PPARD: variants seen among roughly 807,000 people sequenced by gnomAD.
The protein encoded by PPARD is peroxisome proliferator activated receptor delta, also known as peroxisome proliferator-activated receptor delta.
In PPARD, 6 loss-of-function variants were observed where a neutral mutation model predicts 39.5. The ratio of observed to expected loss-of-function variants is 0.15; its 90% CI spans 0.08 to 0.30. The LOEUF is 0.30. Among genes scored for constraint, PPARD ranks in the 10% least tolerant of loss-of-function variants. The pLI is 1.00. For synonymous variants in PPARD, 210 were observed against 231.3 expected, an observed-to-expected ratio of 0.91 and a Z score of 0.83; for missense variants, 397 against 596.8, an observed-to-expected ratio of 0.67 and a Z score of 3.49.
chr6:35,356,261 A>G (rs923442891), intron 2 of PPARD, among the ~76,000 whole-genome samples: 3 of 151,956 alleles, frequency 2.0e-5, no homozygotes, highest in Admixed American at 6.6e-5. Context: ...CTTTTGGCAC[A>G]CTCCTCATCC....
chr6:35,383,482 T>C (rs1257031466), intron 2 of PPARD, among the ~76,000 whole-genome samples: 8 of 121,016 alleles, frequency 6.6e-5, no homozygotes, highest in South Asian at 3.0e-4. Flanking sequence ...CGTCTCTGCT[T>C]GGCCACCCAT....
intron 2 of PPARD, among the ~76,000 whole-genome samples, chr6:35,349,208 G>A (rs1761082538): frequency 6.6e-6 from 1 of 151,862 alleles, no homozygotes; most frequent in South Asian, 2.1e-4. Flanking sequence ...TGTATTTTTA[G>A]TAGAGACGGG....
chr6:35,410,698 C>T (rs1765369325), intron 2 of PPARD, among the ~76,000 whole-genome samples: 1 of 152,188 alleles, frequency 6.6e-6, no homozygotes, highest in Non-Finnish European at 1.5e-5. Context: ...GAACAGAAGG[C>T]AGCAGAGGAG....
intron 2 of PPARD, among the ~76,000 whole-genome samples, chr6:35,410,011 A>G (rs1008364333): frequency 2.0e-5 from 3 of 152,182 alleles, no homozygotes; most frequent in African/African-American, 7.2e-5. Context: ...TGATCACTCC[A>G]GGTTCTGGTT....
In PPARD at chr6:35,421,806, T is replaced by A. The variant is rs1283041914; in HGVS notation, c.286-14T>A. 1 of 1,602,850 alleles carries A rather than the reference T, an allele frequency of 6.2e-7. No homozygotes were observed. The highest frequency in any genetic ancestry group is 1.7e-5 in the Admixed American group (1 of 59,032). ...CTCCTGGTGGCCTTTCCTCACCTGTTCTTGGTGCTTCAGGGCTTCTTCCGT... is the reference window on the plus strand; with the variant it reads ...CTCCTGGTGGCCTTTCCTCACCTGTACTTGGTGCTTCAGGGCTTCTTCCGT... On this transcript the variant is annotated splice_polypyrimidine_tract_variant and intron_variant, in intron 4 of 7. Transcript: ENST00000360694.
chr6:35,355,207 C>T (rs1761501971), intron 2 of PPARD, among the ~76,000 whole-genome samples: 1 of 151,950 alleles, frequency 6.6e-6, no homozygotes. Context: ...GAAGTCCTGT[C>T]TTCCAGCCAG....
At chr6:35,403,582 C>A (rs1251478097) in intron 2 of PPARD, among the ~76,000 whole-genome samples, 1 of 152,182 alleles carries the variant, frequency 6.6e-6, no homozygotes, top group African/African-American at 2.4e-5. Flanking sequence ...TGAGGACCCA[C>A]TAAATGCCAG....
In PPARD at chr6:35,423,948, A is replaced by C; in HGVS notation, c.427A>C (p.Ile143Leu). 1 of 1,613,944 alleles carries C rather than the reference A, an allele frequency of 6.2e-7. No individual in the cohort carries two copies. Among genetic ancestry groups the C allele is most frequent in the Non-Finnish European group, 8.5e-7 (1 of 1,179,992 alleles). ...TGACTGCCCCCTTCCCTGTGCAGCT[A>C]TCCGTTTTGGTCGGATGCCGGAGGC... ...CLALGMSHNAIRFGRMPEAEK... is the reference protein window; with the variant it reads ...CLALGMSHNALRFGRMPEAEK... Residue 143 changes from isoleucine to leucine, a missense_variant and splice_region_variant, in exon 6 of 8, where the codon ATC (isoleucine) becomes CTC (leucine). Coordinates refer to ENST00000360694, the MANE Select transcript of PPARD (RefSeq NM_006238.5).
intron 2 of PPARD, among the ~76,000 whole-genome samples, chr6:35,358,396 A>G (rs1477028227): frequency 2.6e-4 from 39 of 152,230 alleles, no homozygotes; most frequent in Admixed American, 2.6e-3. Flanking sequence ...GACCTCTAGA[A>G]CTGTAAGAGA....
chr6:35,418,328 T>G (rs1013153047), intron 3 of PPARD, among the ~76,000 whole-genome samples: 1 of 54,910 alleles, frequency 1.8e-5, no homozygotes, highest in Non-Finnish European at 3.5e-5. Context: ...TGAGTTTTAT[T>G]GTCCCTGTTA....
chr6:35,358,913 G>A (rs1761768885), intron 2 of PPARD, among the ~76,000 whole-genome samples: 1 of 152,216 alleles, frequency 6.6e-6, no homozygotes, highest in South Asian at 2.1e-4. Context: ...TGGGGGAAGT[G>A]GAGGGAGCCA....
In PPARD at chr6:35,426,190, G is replaced by A. The variant is rs1766564975; in HGVS notation, c.*111G>A. 2 of 1,444,968 alleles carry A rather than the reference G, an allele frequency of 1.4e-6. No individual in the cohort carries two copies. The highest frequency in any genetic ancestry group is 1.4e-5 in the African/African-American group (1 of 70,954). 89.5% of individuals were successfully genotyped at this position (1,444,968 alleles called of 1,614,324 possible). ...TGAGCACCCGGCCTGGAGCAGCAGA[G>A]TCCCACGATCGCCCTCAGACACATG... is the stretch of plus-strand genomic sequence containing the variant. On this transcript the variant is annotated 3_prime_UTR_variant, in exon 8 of 8. Transcript: ENST00000360694.
chr6:35,402,652 GC>G (rs1764779913), intron 2 of PPARD, among the ~76,000 whole-genome samples: 1 of 152,162 alleles, frequency 6.6e-6, no homozygotes, highest in Non-Finnish European at 1.5e-5. Context: ...CCAGCCCCAG[GC>G]CACTCCTGGG....
At chr6:35,391,324 C>A (rs1159519041) in intron 2 of PPARD, among the ~76,000 whole-genome samples, 2 of 152,208 alleles carry the variant, frequency 1.3e-5, no homozygotes, top group African/African-American at 2.4e-5. Flanking sequence ...ATTTCCTTCA[C>A]CAAGATTCAC....
In PPARD at chr6:35,426,418, C is replaced by T. The variant is rs959365825; in HGVS notation, c.*339C>T. 5.5e-6 allele frequency: 2 copies of T among 365,516 alleles called. No homozygotes were observed. The highest frequency in any genetic ancestry group is 1.0e-5 in the Non-Finnish European group (2 of 197,518). The allele number at this position is 365,516 out of a possible 1,614,324, so 22.6% of individuals were successfully genotyped here. On this transcript the variant is annotated 3_prime_UTR_variant, in exon 8 of 8. Transcript: ENST00000360694. ...CCACCCCCCACGTCTGTCCTCCTTT[C>T]TTATTCTGTGAGATGTTTTGTATTA...
rs557060029 is a variant in PPARD, at chr6:35,386,645, A to G, written c.-101-24342A>G. Reference sequence around the variant, plus strand: ...CCAGACATAAAATAGGAAAATGATGATAGAATCTACCTCACTGTTGGCCTG... The same window carrying G: ...CCAGACATAAAATAGGAAAATGATGGTAGAATCTACCTCACTGTTGGCCTG... On this transcript the variant is annotated intron_variant, in intron 2 of 7. Transcript: ENST00000360694. Among the ~76,000 whole-genome samples the G allele has an allele frequency of 7.9e-5, 12 of 152,272 alleles. No homozygotes were observed. The East Asian group carries it at 1.7e-3, about 22-fold the overall frequency.
At chr6:35,389,868 C>A (rs566849028) in intron 2 of PPARD, among the ~76,000 whole-genome samples, 1 of 152,310 alleles carries the variant, frequency 6.6e-6, no homozygotes, top group East Asian at 1.9e-4. Flanking sequence ...CAGACCCTCA[C>A]CCTCTCTCAC....
intron 2 of PPARD, among the ~76,000 whole-genome samples, chr6:35,410,732 G>GTGTC (rs1467957532): frequency 2.6e-5 from 4 of 152,172 alleles, no homozygotes; most frequent in South Asian, 2.1e-4. Context: ...GCACAGTGAT[G>GTGTC]TGTCACCTCT....
chr6:35,348,154 C>A (rs755245942), intron 2 of PPARD, among the ~76,000 whole-genome samples: 10 of 152,006 alleles, frequency 6.6e-5, no homozygotes, highest in African/African-American at 9.7e-5. Context: ...ATGATCTACC[C>A]GCCTCAGCCT....
Sources: allele counts gnomAD v4.1 joint callset (sites outside exome capture counted in the v4.1 genomes callset), GRCh38; gene constraint gnomAD v4.1.1; transcripts MANE v1.5; gene names NCBI Gene and HGNC (gene_info 2026-07-23, HGNC 2026-07-21).